SAMD5: variants seen among roughly 807,000 people sequenced by gnomAD.
SAMD5 encodes sterile alpha motif domain-containing protein 5.
In SAMD5, 13 loss-of-function variants were observed where a neutral mutation model predicts 11.3. The ratio of observed to expected loss-of-function variants is 1.15; its 90% CI spans 0.75 to 1.83. The LOEUF (loss-of-function observed/expected upper bound fraction) is 1.83, where lower values mean the gene tolerates loss of function less well. Ranked by LOEUF, SAMD5 falls within the 40% of genes most tolerant of loss-of-function variation. The pLI, the probability that SAMD5 is intolerant of heterozygous loss-of-function variation, is 0.00. For synonymous variants in SAMD5, 129 were observed against 111.3 expected (o/e 1.16, Z -1.00); for missense variants, 255 against 239.1 (o/e 1.07, Z -0.44).
chr6:147,879,778 A>G, the SAMD5 span, among the ~76,000 whole-genome samples: 2 of 152,194 alleles, frequency 1.3e-5, no homozygotes, highest in Non-Finnish European at 2.9e-5. Context: ...AAGCATGTTC[A>G]CCTAGAAACC....
At chr6:147,651,680 T>G (rs1012889047) in intron 1 of SAMD5, among the ~76,000 whole-genome samples, 1 of 152,200 alleles carries the variant, frequency 6.6e-6, no homozygotes, top group Non-Finnish European at 1.5e-5. Flanking sequence ...CCATGAGAAA[T>G]ATATTTCTGT....
intron 1 of SAMD5, among the ~76,000 whole-genome samples, chr6:147,705,205 A>G (rs1490622246): frequency 1.2e-4 from 18 of 152,166 alleles, no homozygotes. Context: ...TATAAAAACC[A>G]TTCCCTTGGA....
At chr6:147,642,402 G>C (rs844581) in intron 1 of SAMD5, among the ~76,000 whole-genome samples, 107,159 of 151,928 alleles carry the variant, frequency 0.71, 38,030 homozygotes, top group South Asian at 0.78. Flanking sequence ...AAATGAGAGA[G>C]TTGTATGAGA....
At chr6:147,799,723 G>T in the SAMD5 span, among the ~76,000 whole-genome samples, 1 of 150,932 alleles carries the variant, frequency 6.6e-6, no homozygotes, top group Non-Finnish European at 1.5e-5. Flanking sequence ...ACGTAGATTT[G>T]GTCTTTTCAC....
intron 1 of SAMD5, among the ~76,000 whole-genome samples, chr6:147,530,365 C>T (rs183335504): frequency 2.5e-4 from 38 of 152,358 alleles, no homozygotes; most frequent in African/African-American, 8.4e-4. Flanking sequence ...AGATTTACCT[C>T]GGAAGAGCAT....
the SAMD5 span, among the ~76,000 whole-genome samples, chr6:147,856,190 T>C: frequency 2.2e-4 from 33 of 152,310 alleles, no homozygotes; most frequent in Middle Eastern, 3.4e-3. Context: ...TGTGAGCATA[T>C]TGTAAAATTT....
chr6:147,705,343 A>G (rs1791310984), intron 1 of SAMD5, among the ~76,000 whole-genome samples: 1 of 152,186 alleles, frequency 6.6e-6, no homozygotes, highest in South Asian at 2.1e-4. Context: ...TCCAAGAATA[A>G]CCATCAACTC....
chr6:147,903,500 A>T, the SAMD5 span, among the ~76,000 whole-genome samples: 1 of 152,230 alleles, frequency 6.6e-6, no homozygotes, highest in Non-Finnish European at 1.5e-5. Context: ...AACAGCAGTC[A>T]TTTCAAGATG....
At chr6:147,830,544 CCG>C in the SAMD5 span, among the ~76,000 whole-genome samples, 1 of 152,024 alleles carries the variant, frequency 6.6e-6, no homozygotes, top group Non-Finnish European at 1.5e-5. Flanking sequence ...GTATGAGCCA[CCG>C]CGCCCGGCCC....
chr6:147,568,371 A>G lies in SAMD5; in HGVS notation c.*3915A>G, dbSNP rs1397389797. 1 of 985,036 alleles carries G rather than the reference A, an allele frequency of 1.0e-6. No homozygotes were observed. Among genetic ancestry groups the G allele is most frequent in the Non-Finnish European group, 1.2e-6 (1 of 829,648 alleles). The allele number at this position is 985,036 out of a possible 1,614,324, so 61.0% of individuals were successfully genotyped here. A position where few individuals can be genotyped will look rare whatever the true frequency, so the allele number is the denominator to read the frequency against. Reference sequence around the variant, plus strand: ...AAAAATAAAAAAAGAAGTTAACATAATTAAAATGCTTGGACAAAACATTTG... The same window carrying G: ...AAAAATAAAAAAAGAAGTTAACATAGTTAAAATGCTTGGACAAAACATTTG... On this transcript the variant is annotated 3_prime_UTR_variant, in exon 2 of 2. Coordinates refer to ENST00000367474, the MANE Select transcript of SAMD5 (RefSeq NM_001030060.3).
chr6:147,576,683 C>G (rs954025388), intron 1 of SAMD5, among the ~76,000 whole-genome samples: 1 of 152,162 alleles, frequency 6.6e-6, no homozygotes, highest in Non-Finnish European at 1.5e-5. Flanking sequence ...TGTTACTGAT[C>G]CATTTTACAG....
chr6:147,674,021 G>T (rs1196772748), intron 1 of SAMD5, among the ~76,000 whole-genome samples: 2 of 152,168 alleles, frequency 1.3e-5, no homozygotes, highest in Non-Finnish European at 2.9e-5. Context: ...ATTCACAGTT[G>T]TTCAATGGTT....
the SAMD5 span, among the ~76,000 whole-genome samples, chr6:147,810,549 G>A: frequency 6.6e-6 from 1 of 152,060 alleles, no homozygotes; most frequent in Admixed American, 6.6e-5. Flanking sequence ...AAATAGAGAT[G>A]GTAGAAAAGC....
intron 1 of SAMD5, among the ~76,000 whole-genome samples, chr6:147,706,810 T>C (rs532885876): frequency 2.6e-5 from 4 of 152,174 alleles, no homozygotes; most frequent in Middle Eastern, 3.2e-3. Context: ...AAGCTAAAAT[T>C]AATGTTTCTC....
At chr6:147,606,074 G>T (rs547996723) in intron 1 of SAMD5, among the ~76,000 whole-genome samples, 12 of 152,210 alleles carry the variant, frequency 7.9e-5, no homozygotes, top group African/African-American at 2.6e-4. Flanking sequence ...GACAGAATTA[G>T]GTTCTATTCT....
the SAMD5 span, among the ~76,000 whole-genome samples, chr6:147,881,810 A>G: frequency 0.26 from 38,848 of 152,068 alleles, 6,567 homozygotes; most frequent in African/African-American, 0.47. Flanking sequence ...GTGTGACTTT[A>G]GCAATGCCCT....
the SAMD5 span, among the ~76,000 whole-genome samples, chr6:147,943,299 C>G: frequency 6.6e-6 from 1 of 152,088 alleles, no homozygotes; most frequent in African/African-American, 2.4e-5. Flanking sequence ...TTTTTTCCCC[C>G]TCAACTACTG....
chr6:147,583,128 A>C (rs1283202721), intron 1 of SAMD5, among the ~76,000 whole-genome samples: 2 of 152,268 alleles, frequency 1.3e-5, no homozygotes, highest in Non-Finnish European at 1.5e-5. Flanking sequence ...CTAGTTTTAC[A>C]CATAGACATT....
chr6:147,746,343 C>G, the SAMD5 span, among the ~76,000 whole-genome samples: 1 of 152,260 alleles, frequency 6.6e-6, no homozygotes, highest in East Asian at 1.9e-4. Flanking sequence ...GGGATGGCTG[C>G]GAATGAGTAC....
Sources: allele counts gnomAD v4.1 joint callset (sites outside exome capture counted in the v4.1 genomes callset), GRCh38; gene constraint gnomAD v4.1.1; transcripts MANE v1.5; gene names NCBI Gene and HGNC (gene_info 2026-07-23, HGNC 2026-07-21).